RNF213: variants seen among roughly 807,000 people sequenced by gnomAD.
RNF213 encodes ring finger protein 213.
RNF213 carries 341 observed loss-of-function variants against 514.4 expected under a neutral mutation model. That is an observed-to-expected ratio of 0.66 (90% CI 0.61 to 0.73). The LOEUF is 0.73. Among genes scored for constraint, RNF213 ranks in the 30% least tolerant of loss-of-function variants. RNF213 has a pLI of 0.00. For synonymous variants in RNF213, 2,655 were observed against 2,658.2 expected, an observed-to-expected ratio of 1.00 and a Z score of 0.04; for missense variants, 5,767 against 6,615.6, an observed-to-expected ratio of 0.87 and a Z score of 4.45.
At chr17:80,330,604 CCT>C in intron 20 of RNF213, among the ~76,000 whole-genome samples, 1 of 152,354 alleles carries the variant, frequency 6.6e-6, no homozygotes, top group East Asian at 1.9e-4. Context: ...CCTCCTTCCC[CCT>C]GAGATTGGAT....
chr17:80,307,005 G>C lies in RNF213; in HGVS notation c.2428-123G>C, dbSNP rs568188989. The C allele has an allele frequency of 1.6e-5, 15 of 932,168 alleles. No individual in the cohort carries two copies. The African/African-American group carries it at 2.3e-4, about 14-fold the overall frequency. The allele number at this position is 932,168 out of a possible 1,614,324, so 57.7% of individuals were successfully genotyped here. ...TTAGTATGTGAGCACCTTAAAATTT[G>C]TTTGTAGGAAGAAAACAATGTATAC... On this transcript the variant is annotated intron_variant, in intron 12 of 67. Transcript: ENST00000582970.
At chr17:80,275,291 C>G (rs554448043) in intron 3 of RNF213, among the ~76,000 whole-genome samples, 4 of 151,820 alleles carry the variant, frequency 2.6e-5, no homozygotes, top group Non-Finnish European at 5.9e-5. Context: ...ACATGGGATG[C>G]GGAAGGTTTG....
chr17:80,372,081 C>T (rs913269836), intron 47 of RNF213, 96 bp downstream of exon 47: 31 of 781,836 alleles, frequency 4.0e-5, no homozygotes, highest in South Asian at 1.4e-4. Context: ...GTATAATTAA[C>T]GAATGCTCTG....
In RNF213 at chr17:80,269,444, CCATCCATCTATT is replaced by C. The variant is rs1420118151; in HGVS notation, c.98-3788_98-3777del. 2.3e-4 allele frequency among the ~76,000 whole-genome samples: 34 copies of C among 147,518 alleles called. 1 individual carries two copies. Among genetic ancestry groups the C allele is most frequent in the East Asian group, 4.0e-4 (2 of 5,050 alleles). On this transcript the variant is annotated intron_variant, in intron 2 of 67. Coordinates refer to ENST00000582970, the MANE Select transcript of RNF213 (RefSeq NM_001256071.3). ...CCATCCATTCATCTATTCTATCTAT[CCATCCATCTATT>C]CATCCATCCATTCATCTATTCTATC...
At chr17:80,372,077 T>C in intron 47 of RNF213, 92 bp downstream of exon 47, 1 of 792,990 alleles carries the variant, frequency 1.3e-6, no homozygotes, top group South Asian at 1.4e-5. Flanking sequence ...GTCAGTATAA[T>C]TAACGAATGC....
intron 21 of RNF213, among the ~76,000 whole-genome samples, 171 bp downstream of exon 21, chr17:80,332,802 T>C (rs1422048958): frequency 1.3e-5 from 2 of 152,162 alleles, no homozygotes; most frequent in African/African-American, 4.8e-5. Flanking sequence ...GCTTTGTTTT[T>C]ACCTTTGTTA....
chr17:80,300,576 T>C lies in RNF213; in HGVS notation c.2210+2058T>C, dbSNP rs755723739. Among the ~76,000 whole-genome samples, 8 of 148,266 alleles carry C rather than the reference T, an allele frequency of 5.4e-5. No homozygotes were observed. The South Asian group carries it at 1.7e-3, about 32-fold the overall frequency. On this transcript the variant is annotated intron_variant, in intron 11 of 67. Transcript: ENST00000582970. ...GGTTTTTGTTTTGTTTTGTTTGAGA[T>C]GGAGTTTCGCTTTATCACCCAGGCT... is the stretch of plus-strand genomic sequence containing the variant.
chr17:80,385,744 A>T, intron 61 of RNF213, 123 bp downstream of exon 61: 2 of 841,004 alleles, frequency 2.4e-6, no homozygotes, highest in South Asian at 1.4e-5. Context: ...TGTTTTTGAG[A>T]TGGAGTCTTG....
At chr17:80,276,206 T>G (rs2044051883) in intron 3 of RNF213, among the ~76,000 whole-genome samples, 3 of 152,060 alleles carry the variant, frequency 2.0e-5, no homozygotes, top group African/African-American at 7.2e-5. Flanking sequence ...GTTCAAGCGA[T>G]TCTCCTGCCT....
In RNF213 at chr17:80,381,096, ATAAT is replaced by A. The variant is rs769864948; in HGVS notation, c.13797+112_13797+115del. ...TAGCTGCCATCTATGCGTTTTGGAG[ATAAT>A]TAGTCTACAAAGTAATATACAAGTT... On this transcript the variant is annotated intron_variant, in intron 56 of 67. Coordinates refer to ENST00000582970, the MANE Select transcript of RNF213 (RefSeq NM_001256071.3). 7.0e-5 allele frequency: 78 copies of A among 1,120,590 alleles called. No individual in the cohort carries two copies. In the East Asian group the frequency reaches 1.1e-3, roughly 15 times the overall value. The allele number at this position is 1,120,590 out of a possible 1,614,324, so 69.4% of individuals were successfully genotyped here.
chr17:80,384,295 A>C (rs1361277364), intron 59 of RNF213, among the ~76,000 whole-genome samples: 1 of 152,176 alleles, frequency 6.6e-6, no homozygotes, highest in African/African-American at 2.4e-5. Context: ...CAGATCAAAC[A>C]AAACTCCTCC....
At position 80,345,078 on chromosome 17, in the gene RNF213, A is replaced by G. The variant is rs760445394; in HGVS notation, c.6743A>G (p.Lys2248Arg). 5.0e-6 allele frequency: 8 copies of G among 1,614,130 alleles called. No homozygotes were observed. The highest frequency in any genetic ancestry group is 1.6e-4 in the Middle Eastern group (1 of 6,062). Reference protein sequence around the residue: ...SFIGDTLRGFKKFVVTFMIFM... With the variant: ...SFIGDTLRGFRKFVVTFMIFM... ...ATTGGCGACACACTGAGGGGCTTCA[A>G]GAAGTTCGTGGTGACCTTCATGATC... The change falls in exon 29 of 68, where the codon AAG (lysine) becomes AGG (arginine). Residue 2248 changes from lysine to arginine, a missense_variant. Lys to Arg is a conservative substitution (Grantham distance 26). This residue lies in a region of RNF213 where 1,377 missense variants were observed against 1,635.2 expected (regional missense o/e 0.84). Transcript: ENST00000582970. The surrounding 1 kb of genome is among the most constrained non-coding windows in gnomAD (Gnocchi z 6.0).
intron 19 of RNF213, 100 bp from the exon 20 acceptor site, chr17:80,328,216 ATCCTAGTCCTTC>A: frequency 7.6e-7 from 1 of 1,316,758 alleles, no homozygotes; most frequent in Non-Finnish European, 1.0e-6. Flanking sequence ...GCGCAAAACC[ATCCTAGTCCTTC>A]TCCTGGTGGC....
Position 80,300,592 on chromosome 17 carries a change from C to T in RNF213, c.2210+2074C>T, listed in dbSNP as rs180842336. Among the ~76,000 whole-genome samples the T allele has an allele frequency of 5.3e-5, 8 of 151,164 alleles. No individual in the cohort carries two copies. The East Asian group carries it at 1.4e-3, about 26-fold the overall frequency. Reference sequence around the variant, plus strand: ...TGTTTGAGATGGAGTTTCGCTTTATCACCCAGGCTGGATTGCAGTGGCACA... The same window carrying T: ...TGTTTGAGATGGAGTTTCGCTTTATTACCCAGGCTGGATTGCAGTGGCACA... On this transcript the variant is annotated intron_variant, in intron 11 of 67. Coordinates refer to ENST00000582970, the MANE Select transcript of RNF213 (RefSeq NM_001256071.3).
At chr17:80,313,824 G>A (rs1464364485) in intron 15 of RNF213, among the ~76,000 whole-genome samples, 5 of 129,636 alleles carry the variant, frequency 3.9e-5, no homozygotes, top group African/African-American at 6.0e-5. Flanking sequence ...GGTGATGGTG[G>A]TGGTGGAGGT....
chr17:80,350,284 CT>C lies in RNF213; in HGVS notation c.10089-15del. On this transcript the variant is annotated splice_polypyrimidine_tract_variant and intron_variant, in intron 30 of 67. Coordinates refer to ENST00000582970, the MANE Select transcript of RNF213 (RefSeq NM_001256071.3). ...TAAGACAGAGAACTCACTTGAATAACTTCCCTTTTCTTTCAGAAACTGTTTA... is the reference window on the plus strand; with the variant it reads ...TAAGACAGAGAACTCACTTGAATAACTCCCTTTTCTTTCAGAAACTGTTTA... 1 of 1,475,544 alleles carries C rather than the reference CT, an allele frequency of 6.8e-7. No individual in the cohort carries two copies. Among genetic ancestry groups the C allele is most frequent in the Middle Eastern group, 1.7e-4 (1 of 5,790 alleles). 91.4% of individuals were successfully genotyped at this position (1,475,544 alleles called of 1,614,324 possible).
intron 59 of RNF213, among the ~76,000 whole-genome samples, chr17:80,384,566 C>A (rs1336900856): frequency 1.3e-5 from 2 of 152,178 alleles, no homozygotes; most frequent in African/African-American, 4.8e-5. Context: ...AGTATGAGTT[C>A]ACAATGACAG....
chr17:80,360,227 G>A (rs375208924), intron 38 of RNF213, 21 bp downstream of exon 38: 9 of 1,606,502 alleles, frequency 5.6e-6, no homozygotes, highest in Non-Finnish European at 7.7e-6. Context: ...CTCAAGACAG[G>A]TCAGATTCAG....
intron 36 of RNF213, chr17:80,355,414 CGGAGGAAGAAG>C (rs2078720159): frequency 1.1e-5 from 1 of 92,204 alleles, no homozygotes; most frequent in Admixed American, 8.1e-5. Flanking sequence ...TGGGGGCTCA[CGGAGGAAGAAG>C]CGGGGTGGAT....
Sources: allele counts gnomAD v4.1 joint callset (sites outside exome capture counted in the v4.1 genomes callset), GRCh38; gene constraint gnomAD v4.1.1; regional missense constraint gnomAD v4.1.1; non-coding constraint Gnocchi (gnomAD v3.1); transcripts MANE v1.5; gene names NCBI Gene and HGNC (gene_info 2026-07-23, HGNC 2026-07-21).